The following NPC1 variants were observed in gnomAD, a reference collection of about 807,000 sequenced individuals.
NPC1 encodes the protein Niemann-Pick C1 protein.
A neutral mutation model predicts 140.4 loss-of-function variants in NPC1; 85 were observed. The ratio of observed to expected loss-of-function variants is 0.61; its 90% CI spans 0.51 to 0.72. The LOEUF (loss-of-function observed/expected upper bound fraction) is 0.72. Ranked by LOEUF, NPC1 falls within the 30% of genes least tolerant of loss-of-function variation. NPC1 has a pLI of 0.00. For missense variants in NPC1, 1,504 were observed against 1,623.8 expected (o/e 0.93, Z 1.27); for synonymous variants, 656 against 624.8 (o/e 1.05, Z -0.74).
At chr18:23,563,370 C>G (rs1355877126) in intron 4 of NPC1, among the ~76,000 whole-genome samples, 1 of 152,204 alleles carries the variant, frequency 6.6e-6, no homozygotes, top group African/African-American at 2.4e-5. Context: ...ATACTTTCGT[C>G]TTGTGAGTGG....
chr18:23,523,685 G>A (rs1243904853), intron 1 of NPC1, among the ~76,000 whole-genome samples: 2 of 151,754 alleles, frequency 1.3e-5, no homozygotes, highest in Non-Finnish European at 1.5e-5. Context: ...ATCAACTACT[G>A]CACTCAAGCC....
chr18:23,575,383 G>A lies in NPC1; in HGVS notation c.58-1809C>T, dbSNP rs559078589. Among the ~76,000 whole-genome samples the A allele has an allele frequency of 2.6e-5, 4 of 152,254 alleles. No individual in the cohort carries two copies. In the East Asian group the frequency reaches 7.7e-4, roughly 29 times the overall value. ...GCGGCACGGAGTGGGATCGAGTCCT[G>A]GGTTCTGATCCCAAGAGCTCCTGAG... is the stretch of plus-strand genomic sequence containing the variant. On this transcript the variant is annotated intron_variant, in intron 1 of 24. Coordinates refer to ENST00000269228, the MANE Select transcript of NPC1 (RefSeq NM_000271.5).
At chr18:23,574,373 C>A (rs1375669692) in intron 1 of NPC1, among the ~76,000 whole-genome samples, 1 of 152,094 alleles carries the variant, frequency 6.6e-6, no homozygotes, top group East Asian at 1.9e-4. Context: ...GGCCTGCAAT[C>A]GTCTGTTCTA....
chr18:23,581,460 T>C (rs889666256), intron 1 of NPC1, among the ~76,000 whole-genome samples: 5 of 152,170 alleles, frequency 3.3e-5, no homozygotes, highest in African/African-American at 9.7e-5. Context: ...ATGTGCCATC[T>C]ACTAGCTATG....
chr18:23,560,444 G>C lies in NPC1; in HGVS notation c.668C>G (p.Ala223Gly), dbSNP rs2145480831. ...PVHGMEPMNN[A>G]TKGCDESVDE... ...CACAGACTCGTCACAGCCTTTGGTG[G>C]CATTGTTCATGGGCTCCATCCCATG... Residue 223 changes from alanine (A) to glycine (G), a missense_variant, in exon 6 of 25, where the codon GCC becomes GGC. Coordinates refer to ENST00000269228, the MANE Select transcript of NPC1 (RefSeq NM_000271.5). The C allele has an allele frequency of 1.2e-6, 2 of 1,614,148 alleles. No homozygotes were observed. Among genetic ancestry groups the C allele is most frequent in the Non-Finnish European group, 1.7e-6 (2 of 1,180,000 alleles).
intron 9 of NPC1, among the ~76,000 whole-genome samples, chr18:23,552,846 G>A (rs1159778097): frequency 2.0e-5 from 3 of 152,200 alleles, no homozygotes; most frequent in African/African-American, 4.8e-5. Context: ...GCTCAGACCC[G>A]TAAGAACCCC....
At chr18:23,525,407 C>T (rs1452281296), downstream of NPC1, among the ~76,000 whole-genome samples, 4 of 151,942 alleles carry the variant, frequency 2.6e-5, no homozygotes, top group Non-Finnish European at 5.9e-5. Context: ...ATCACCACGC[C>T]CAGTTAATTT....
chr18:23,533,866 C>G (rs886543466), intron 23 of NPC1: 2 of 369,212 alleles, frequency 5.4e-6, no homozygotes, highest in Non-Finnish European at 1.0e-5. Context: ...CAGGTAGCAT[C>G]ATCTACTACC....
At chr18:23,529,117 C>G, downstream of NPC1, 1 of 1,573,558 alleles carries the variant, frequency 6.4e-7, no homozygotes, top group South Asian at 1.2e-5. Context: ...TGTGGATGAA[C>G]TGTAAACAGC....
downstream of NPC1, among the ~76,000 whole-genome samples, chr18:23,525,116 T>G (rs1167739637): frequency 6.6e-6 from 1 of 151,324 alleles, no homozygotes; most frequent in Non-Finnish European, 1.5e-5. Context: ...CCAGCTAATT[T>G]TGTATTTTTA....
chr18:23,525,631 GC>G (rs1337647387), downstream of NPC1, among the ~76,000 whole-genome samples: 1 of 151,940 alleles, frequency 6.6e-6, no homozygotes, highest in Non-Finnish European at 1.5e-5. Flanking sequence ...CACCATGTTG[GC>G]CAGGATGGTC....
chr18:23,547,800 C>T (rs1250915278), intron 11 of NPC1, among the ~76,000 whole-genome samples: 2 of 152,164 alleles, frequency 1.3e-5, no homozygotes, highest in African/African-American at 4.8e-5. Context: ...CTTTTGCATT[C>T]CTGTGGAGGG....
Position 23,586,393 on chromosome 18 carries a change from C to G in NPC1, c.-50G>C, listed in dbSNP as rs2059419620. On this transcript the variant is annotated 5_prime_UTR_variant, in exon 1 of 25. Coordinates refer to ENST00000269228, the MANE Select transcript of NPC1 (RefSeq NM_000271.5). ...CGCCGGCGGCGTTCGGCTGGTTGGG[C>G]TCCCCGGAGGCGGCTCTACTTCCCC... 6.5e-7 allele frequency: 1 copy of G among 1,529,852 alleles called. No homozygotes were observed. The highest frequency in any genetic ancestry group is 8.7e-7 in the Non-Finnish European group (1 of 1,144,566). The allele number at this position is 1,529,852 out of a possible 1,614,324, so 94.8% of individuals were successfully genotyped here. A position where few individuals can be genotyped will look rare whatever the true frequency, so the allele number is the denominator to read the frequency against.
chr18:23,571,885 G>T (rs1046448951), intron 3 of NPC1, among the ~76,000 whole-genome samples, 189 bp downstream of exon 3: 2 of 151,160 alleles, frequency 1.3e-5, no homozygotes, highest in Non-Finnish European at 2.9e-5. Context: ...ATACATACAT[G>T]TATTTTTAAT....
chr18:23,579,308 C>T (rs965318769), intron 1 of NPC1, among the ~76,000 whole-genome samples: 7 of 152,216 alleles, frequency 4.6e-5, no homozygotes, highest in Non-Finnish European at 1.0e-4. Context: ...GTAATCCTTC[C>T]TTTGAAATTC....
chr18:23,513,630 A>G (rs1210455585), intron 3 of NPC1, among the ~76,000 whole-genome samples: 1 of 152,250 alleles, frequency 6.6e-6, no homozygotes, highest in African/African-American at 2.4e-5. Context: ...ACTGTTTTCC[A>G]TAGCAGTTAC....
chr18:23,528,140 TC>T, downstream of NPC1: 5 of 413,278 alleles, frequency 1.2e-5, no homozygotes, highest in South Asian at 1.9e-4. Context: ...TTTTTGTTTT[TC>T]CCATCTGTGT....
chr18:23,533,490 AT>A lies in NPC1; in HGVS notation c.3618del (p.Lys1206AsnfsTer36), dbSNP rs1179995303. On this transcript the variant is annotated frameshift_variant, in exon 24 of 25. Transcript: ENST00000269228. LOFTEE classifies it high-confidence loss of function. ...AAAGCCAACACCACAATCCCTCCAA[AT>A]TTTGTAAGTGTGATTCCACTGAACA... ...SSVFSGITLT[K>X]FGGIVVLAFA... 6 of 1,614,236 alleles carry A rather than the reference AT, an allele frequency of 3.7e-6. No homozygotes were observed. In the East Asian group the frequency reaches 1.1e-4, roughly 30 times the overall value.
At chr18:23,575,464 C>T (rs1401060292) in intron 1 of NPC1, among the ~76,000 whole-genome samples, 1 of 151,940 alleles carries the variant, frequency 6.6e-6, no homozygotes, top group Non-Finnish European at 1.5e-5. Flanking sequence ...GAGCAGGTTA[C>T]GTAACCACGT....
Sources: allele counts gnomAD v4.1 joint callset (sites outside exome capture counted in the v4.1 genomes callset), GRCh38; gene constraint gnomAD v4.1.1; transcripts MANE v1.5; gene names NCBI Gene and HGNC (gene_info 2026-07-23, HGNC 2026-07-21).